The following C3orf52 variants were observed in gnomAD, a reference collection of about 807,000 sequenced individuals.
C3orf52 encodes TPA-induced transmembrane protein.
C3orf52 carries 22 observed loss-of-function variants against 24.8 expected under a neutral mutation model. The observed-to-expected ratio is 0.89, with a 90% CI of 0.63 to 1.27. The LOEUF is 1.27. Ranked by LOEUF, C3orf52 falls within the 50% of genes most tolerant of loss-of-function variation. C3orf52 has a pLI of 0.00. For missense variants in C3orf52, 265 were observed against 260.7 expected (o/e 1.02, Z -0.11); for synonymous variants, 93 against 100.2 (o/e 0.93, Z 0.43).
intron 4 of C3orf52, chr3:112,127,900 A>T: frequency 1.3e-6 from 1 of 779,866 alleles, no homozygotes; most frequent in South Asian, 1.5e-5. Flanking sequence ...AGGTGATTGT[A>T]TCTGGGCTAC....
intron 2 of C3orf52, among the ~76,000 whole-genome samples, chr3:112,101,782 A>G (rs948210525): frequency 1.4e-4 from 22 of 152,140 alleles, no homozygotes; most frequent in African/African-American, 5.3e-4. Context: ...GTCTATGGCA[A>G]TATAAGCACC....
chr3:112,100,774 C>T (rs1239364414), intron 2 of C3orf52, among the ~76,000 whole-genome samples: 2 of 151,976 alleles, frequency 1.3e-5, no homozygotes, highest in Non-Finnish European at 2.9e-5. Flanking sequence ...ATAGGTGAGC[C>T]TATTATGAAC....
At chr3:112,095,357 TATCCTAGAAGTTGATATTTGG>T (rs1651810612) in intron 2 of C3orf52, among the ~76,000 whole-genome samples, 1 of 152,212 alleles carries the variant, frequency 6.6e-6, no homozygotes, top group South Asian at 2.1e-4. Flanking sequence ...TAGTTGGTGC[TATCCTAGAAGTTGATATTTGG>T]ATCCTGTTGG....
At chr3:112,098,637 T>C (rs918343757) in intron 2 of C3orf52, among the ~76,000 whole-genome samples, 1 of 152,206 alleles carries the variant, frequency 6.6e-6, no homozygotes, top group Non-Finnish European at 1.5e-5. Context: ...TAACAGAATA[T>C]CATAAACTAG....
chr3:112,097,132 C>A (rs984943585), intron 2 of C3orf52, among the ~76,000 whole-genome samples: 1 of 152,118 alleles, frequency 6.6e-6, no homozygotes, highest in Non-Finnish European at 1.5e-5. Context: ...GGTACAGAAA[C>A]AAAAGCCTTC....
rs556959067 is a variant in C3orf52 at position 112,087,814 on chromosome 3, A to G, written c.138+1269A>G. Among the ~76,000 whole-genome samples, 6 of 152,300 alleles carry G rather than the reference A, an allele frequency of 3.9e-5. No individual in the cohort carries two copies. The South Asian group carries it at 1.2e-3, about 32-fold the overall frequency. Reference sequence around the variant, plus strand: ...GTTGGAAATACTTGCCTCAGATTAGATGGACCCGCACACCCTAAAGACTCC... The same window carrying G: ...GTTGGAAATACTTGCCTCAGATTAGGTGGACCCGCACACCCTAAAGACTCC... On this transcript the variant is annotated intron_variant, in intron 1 of 5. Transcript: ENST00000264848.
intron 2 of C3orf52, among the ~76,000 whole-genome samples, chr3:112,100,159 C>G (rs921536472): frequency 1.3e-5 from 2 of 152,246 alleles, no homozygotes. Flanking sequence ...TTCATTTATC[C>G]CATCCATGAC....
At chr3:112,122,551 A>G (rs1245150745), downstream of C3orf52, 1 of 152,182 alleles carries the variant, frequency 6.6e-6, no homozygotes. Context: ...CTATGTGGAC[A>G]TTTTATTCAT....
chr3:112,118,333 A>G (rs1175607867), downstream of C3orf52: 2 of 152,152 alleles, frequency 1.3e-5, no homozygotes, highest in Non-Finnish European at 2.9e-5. Flanking sequence ...CTGGGTGAAT[A>G]AGATCAAGCC....
At chr3:112,109,652 G>GA in intron 4 of C3orf52, 39 bp downstream of exon 4, 15 of 1,262,582 alleles carry the variant, frequency 1.2e-5, no homozygotes, top group Middle Eastern at 1.9e-4. Context: ...CTCTTTCTCT[G>GA]GAAAGAGATC....
chr3:112,112,964 TG>T lies in C3orf52; in HGVS notation c.470del (p.Gly157ValfsTer6), dbSNP rs1373673840. 5.6e-6 allele frequency: 9 copies of T among 1,605,150 alleles called. No homozygotes were observed. Among genetic ancestry groups the T allele is most frequent in the African/African-American group, 1.3e-5 (1 of 74,810 alleles). ...FTSVEIVDFS[G>X]ENATVTYDLQ... ...TTTAATGTCTTCCATTGCCTTTCAG[TG>T]GTGAAAATGCCACAGTAACGTATGA... On this transcript the variant is annotated frameshift_variant and splice_region_variant, in exon 5 of 6. Coordinates refer to ENST00000264848, the MANE Select transcript of C3orf52 (RefSeq NM_024616.3). LOFTEE classifies it high-confidence loss of function.
At chr3:112,108,118 C>T (rs748127624) in intron 3 of C3orf52, among the ~76,000 whole-genome samples, 1 of 152,078 alleles carries the variant, frequency 6.6e-6, no homozygotes, top group Non-Finnish European at 1.5e-5. Context: ...ATAATATCAA[C>T]AACTAGTATC....
At chr3:112,089,122 G>T (rs2073854760) in intron 1 of C3orf52, among the ~76,000 whole-genome samples, 1 of 152,192 alleles carries the variant, frequency 6.6e-6, no homozygotes, top group Non-Finnish European at 1.5e-5. Context: ...TTCTTTTATG[G>T]CTTATTACAG....
intron 5 of C3orf52, among the ~76,000 whole-genome samples, chr3:112,114,881 T>A (rs1206531153): frequency 6.6e-6 from 1 of 151,840 alleles, no homozygotes; most frequent in African/African-American, 2.4e-5. Flanking sequence ...TGAGGAAAGG[T>A]TTAAGAGGCT....
intron 4 of C3orf52, among the ~76,000 whole-genome samples, chr3:112,127,573 C>A (rs1178131643): frequency 2.6e-5 from 4 of 152,182 alleles, no homozygotes; most frequent in Non-Finnish European, 4.4e-5. Flanking sequence ...TTGCCTCAGT[C>A]TGGTGAAGGT....
chr3:112,130,550 C>G (rs2074429339), downstream of C3orf52: 2 of 1,543,486 alleles, frequency 1.3e-6, no homozygotes, highest in Admixed American at 3.3e-5. Context: ...CTAAGTATTT[C>G]CTAAACAGGC....
Position 112,102,821 on chromosome 3 carries a change from TC to T in C3orf52, c.269-13del. The T allele has an allele frequency of 6.5e-7, 1 of 1,537,172 alleles. No homozygotes were observed. The highest frequency in any genetic ancestry group is 8.8e-7 in the Non-Finnish European group (1 of 1,142,504). On this transcript the variant is annotated splice_polypyrimidine_tract_variant and intron_variant, in intron 2 of 5. Transcript: ENST00000264848. ...TTTACTTTTGTTTTTCATTTCCACC[TC>T]CCCTACTTTCTTTAGTAACTTATGT...
chr3:112,126,827 A>T (rs547402368), intron 4 of C3orf52, among the ~76,000 whole-genome samples: 37 of 152,342 alleles, frequency 2.4e-4, no homozygotes, highest in African/African-American at 8.7e-4. Context: ...TGAGCTCACC[A>T]TCTACTGAGG....
At chr3:112,112,863 G>C in intron 4 of C3orf52, 101 bp from the exon 5 acceptor site, 1 of 891,358 alleles carries the variant, frequency 1.1e-6, no homozygotes, top group Non-Finnish European at 1.8e-6. Context: ...TGTACTGGAA[G>C]AACATGCAAA....
Sources: gnomAD v4.1 joint callset for allele counts (sites outside exome capture counted in the v4.1 genomes callset) on GRCh38, gnomAD v4.1.1 for gene constraint, MANE v1.5 for transcripts, NCBI Gene and HGNC (gene_info 2026-07-23, HGNC 2026-07-21) for gene names.